Variants in PRSS23 observed in about 807,000 individuals in gnomAD.
The protein encoded by PRSS23 is serine protease 23.
Under a neutral mutation model 34.7 loss-of-function variants are expected in PRSS23, and 25 were observed. The observed-to-expected ratio is 0.72, with a 90% CI of 0.53 to 1.01. The LOEUF is 1.01. PRSS23 is among the 50% of genes least tolerant of loss of function. The probability of loss-of-function intolerance (pLI) is 0.00; values close to 1 mark genes in which losing one functional copy is unlikely to be tolerated. For missense variants in PRSS23, 445 were observed against 475.6 expected, an observed-to-expected ratio of 0.94 and a Z score of 0.60; for synonymous variants, 176 against 186.6, an observed-to-expected ratio of 0.94 and a Z score of 0.46.
At chr11:86,929,364 C>A (rs1007063243) in intron 2 of PRSS23, among the ~76,000 whole-genome samples, 1 of 150,992 alleles carries the variant, frequency 6.6e-6, no homozygotes, top group Non-Finnish European at 1.5e-5. Flanking sequence ...AACTCAAGGC[C>A]GGGTGTAGTG....
intron 1 of PRSS23, among the ~76,000 whole-genome samples, chr11:86,822,835 A>G (rs1282385856): frequency 6.6e-6 from 1 of 152,196 alleles, no homozygotes; most frequent in Non-Finnish European, 1.5e-5. Flanking sequence ...GGATCTTTGC[A>G]GCGTGGGCAA....
intron 2 of PRSS23, among the ~76,000 whole-genome samples, chr11:86,848,898 T>A (rs989549116): frequency 6.6e-6 from 1 of 152,216 alleles, no homozygotes; most frequent in African/African-American, 2.4e-5. Context: ...GGGCTTGTTA[T>A]CAGTGCGGTT....
At chr11:86,926,816 T>A (rs569990050) in intron 2 of PRSS23, among the ~76,000 whole-genome samples, 1 of 152,290 alleles carries the variant, frequency 6.6e-6, no homozygotes, top group African/African-American at 2.4e-5. Context: ...CTCTGGCTAT[T>A]CAGGGTTGTC....
intron 2 of PRSS23, among the ~76,000 whole-genome samples, chr11:86,889,854 G>C (rs1750244508): frequency 6.6e-6 from 1 of 152,216 alleles, no homozygotes; most frequent in South Asian, 2.1e-4. Flanking sequence ...ATGTGCAGTA[G>C]TTCTGCCTGT....
rs372795090 is a variant in PRSS23, at chr11:86,848,403, C to T, written c.206+24810C>T. Among the ~76,000 whole-genome samples the T allele has an allele frequency of 6.6e-5, 10 of 152,252 alleles. No individual in the cohort carries two copies. The East Asian group carries it at 1.7e-3, about 27-fold the overall frequency. ...GGAACAGGCAGTCCCCACTGTAAAT[C>T]CTTATTGGGATACTGACTCAGATCA... On this transcript the variant is annotated intron_variant, in intron 2 of 2. Coordinates refer to the PRSS23 transcript ENST00000533902.
chr11:86,891,653 G>T lies in PRSS23; in HGVS notation c.207-59563G>T, dbSNP rs1007587218. 2.0e-5 allele frequency among the ~76,000 whole-genome samples: 3 copies of T among 152,032 alleles called. No homozygotes were observed. In the South Asian group the frequency reaches 6.2e-4, roughly 32 times the overall value. On this transcript the variant is annotated intron_variant, in intron 2 of 2. Transcript: ENST00000533902. ...TAAATAACCAAACATTTCGCACTAC[G>T]TCTGCTATGGTTTTCCTGTGTCCCC...
intron 2 of PRSS23, among the ~76,000 whole-genome samples, chr11:86,870,081 G>A (rs1316410781): frequency 1.3e-5 from 2 of 152,194 alleles, no homozygotes; most frequent in Non-Finnish European, 2.9e-5. Flanking sequence ...TGGCCTGGAA[G>A]AGAAAAGATT....
Position 86,807,691 on chromosome 11 carries a change from T to C in PRSS23, c.48T>C (p.Cys16=), listed in dbSNP as rs750344935. Residue 16 remains cysteine, a synonymous_variant, in exon 2 of 2, where the codon TGT becomes TGC. Coordinates refer to ENST00000280258, the MANE Select transcript of PRSS23 (RefSeq NM_007173.6). ...TCTTCCTTCTCTTCTTTCTGCTCTG[T>C]GCTGTTGGGCAAGTGAGCCCTTACA... ...GLLFLLFFLL[C]AVGQVSPYSA... 109 of 1,613,990 alleles carry C rather than the reference T, an allele frequency of 6.8e-5. No homozygotes were observed. Among genetic ancestry groups the C allele is most frequent in the Non-Finnish European group, 9.1e-5 (107 of 1,180,008 alleles).
At chr11:86,887,825 G>A (rs1948813352) in intron 2 of PRSS23, among the ~76,000 whole-genome samples, 1 of 152,134 alleles carries the variant, frequency 6.6e-6, no homozygotes, top group Non-Finnish European at 1.5e-5. Context: ...GCCGAGGTGG[G>A]CAGATCACCT....
At chr11:86,833,356 T>C (rs1364431963) in intron 2 of PRSS23, 26 of 862,126 alleles carry the variant, frequency 3.0e-5, no homozygotes, top group Non-Finnish European at 5.8e-6. Flanking sequence ...CATGACTAGG[T>C]ACATGAACAG....
intron 2 of PRSS23, among the ~76,000 whole-genome samples, chr11:86,846,276 G>A (rs1196375433): frequency 1.3e-5 from 2 of 152,120 alleles, no homozygotes; most frequent in Admixed American, 6.5e-5. Flanking sequence ...AAGGCATCTA[G>A]ATCATCACAC....
At chr11:86,939,889 A>T (rs1949196027) in intron 2 of PRSS23, among the ~76,000 whole-genome samples, 1 of 152,244 alleles carries the variant, frequency 6.6e-6, no homozygotes, top group Non-Finnish European at 1.5e-5. Flanking sequence ...TTAGAAAAAA[A>T]TGTGGGCCCA....
At chr11:86,904,783 C>T (rs1436117020) in intron 2 of PRSS23, among the ~76,000 whole-genome samples, 1 of 151,884 alleles carries the variant, frequency 6.6e-6, no homozygotes, top group Non-Finnish European at 1.5e-5. Context: ...TATGGTGGCT[C>T]ATGCCTGTAA....
intron 1 of PRSS23, among the ~76,000 whole-genome samples, chr11:86,802,519 A>G (rs1039733964): frequency 2.0e-5 from 3 of 152,170 alleles, no homozygotes; most frequent in Non-Finnish European, 4.4e-5. Flanking sequence ...GCATGATTTC[A>G]CCGTTCCATA....
At chr11:86,862,732 C>A (rs1948624576) in intron 2 of PRSS23, among the ~76,000 whole-genome samples, 1 of 151,654 alleles carries the variant, frequency 6.6e-6, no homozygotes, top group Non-Finnish European at 1.5e-5. Flanking sequence ...AGATATACAC[C>A]CTTTTATATT....
At chr11:86,906,703 A>G (rs1948945393) in intron 2 of PRSS23, among the ~76,000 whole-genome samples, 2 of 152,316 alleles carry the variant, frequency 1.3e-5, no homozygotes, top group Admixed American at 6.5e-5. Flanking sequence ...TGAGGCCCAA[A>G]CCCAAGGTCC....
chr11:86,883,385 C>G (rs1336143099), intron 2 of PRSS23, among the ~76,000 whole-genome samples: 1 of 152,172 alleles, frequency 6.6e-6, no homozygotes, highest in Non-Finnish European at 1.5e-5. Flanking sequence ...GAAAAACAAG[C>G]AATGGGGAAA....
chr11:86,832,570 C>A, intron 2 of PRSS23: 1 of 469,510 alleles, frequency 2.1e-6, no homozygotes, highest in South Asian at 1.6e-5. Context: ...TTTTGATGTC[C>A]CTGTTTCTCA....
intron 2 of PRSS23, among the ~76,000 whole-genome samples, chr11:86,843,866 A>C (rs1196076229): frequency 6.6e-6 from 1 of 152,220 alleles, no homozygotes; most frequent in Non-Finnish European, 1.5e-5. Flanking sequence ...CAATTCCTCA[A>C]GTATCTAGAA....
Sources: allele counts gnomAD v4.1 joint callset (sites outside exome capture counted in the v4.1 genomes callset), GRCh38; gene constraint gnomAD v4.1.1; transcripts MANE v1.5; gene names NCBI Gene and HGNC (gene_info 2026-07-23, HGNC 2026-07-21).